Variants in ROBO1 observed in about 807,000 individuals in gnomAD.
ROBO1 encodes roundabout homolog 1.
Under a neutral mutation model 195.9 loss-of-function variants are expected in ROBO1, and 149 were observed. The ratio of observed to expected loss-of-function variants is 0.76; its 90% CI spans 0.67 to 0.87. ROBO1 has a LOEUF of 0.87. Among genes scored for constraint, ROBO1 ranks in the 40% least tolerant of loss-of-function variants. The pLI is 0.00. For synonymous variants in ROBO1, 816 were observed against 733.2 expected, an observed-to-expected ratio of 1.11 and a Z score of -1.82; for missense variants, 1,933 against 2,068.3, an observed-to-expected ratio of 0.93 and a Z score of 1.27.
At chr3:78,978,013 C>T (rs2076917851) in intron 3 of ROBO1, among the ~76,000 whole-genome samples, 1 of 152,148 alleles carries the variant, frequency 6.6e-6, no homozygotes, top group South Asian at 2.1e-4. Context: ...CCATAAACTG[C>T]ATGTATTCAA....
At chr3:78,849,831 T>TAC (rs576994363) in intron 4 of ROBO1, among the ~76,000 whole-genome samples, 840 of 79,682 alleles carry the variant, frequency 0.011, 10 homozygotes, top group African/African-American at 0.024. Flanking sequence ...TCTCTCCCAT[T>TAC]ACACACACAC....
intron 4 of ROBO1, among the ~76,000 whole-genome samples, chr3:78,762,055 T>C (rs1178102284): frequency 2.0e-5 from 3 of 152,024 alleles, no homozygotes; most frequent in Non-Finnish European, 4.4e-5. Context: ...TGTTTTTAAA[T>C]GGGAATTTAA....
intron 3 of ROBO1, among the ~76,000 whole-genome samples, chr3:79,118,234 G>GTT (rs201767376): frequency 1.5e-5 from 2 of 136,986 alleles, no homozygotes; most frequent in Non-Finnish European, 1.6e-5. Context: ...TAATTGTGTG[G>GTT]GTTTTTTTTT....
At chr3:79,574,296 C>G (rs930043503) in intron 2 of ROBO1, among the ~76,000 whole-genome samples, 1 of 151,960 alleles carries the variant, frequency 6.6e-6, no homozygotes, top group Non-Finnish European at 1.5e-5. Flanking sequence ...CACGCGTTTA[C>G]ATACATTCTA....
intron 3 of ROBO1, among the ~76,000 whole-genome samples, chr3:79,079,114 A>G (rs542092983): frequency 6.6e-6 from 1 of 151,782 alleles, no homozygotes; most frequent in Non-Finnish European, 1.5e-5. Context: ...GAAAAATGAC[A>G]TTTGATCTGG....
At chr3:79,226,617 T>C (rs2082232550) in intron 2 of ROBO1, among the ~76,000 whole-genome samples, 2 of 151,780 alleles carry the variant, frequency 1.3e-5, no homozygotes, top group Admixed American at 6.6e-5. Flanking sequence ...CACAGCTCAC[T>C]GCAGCCTTGA....
At chr3:78,629,300 T>TTC (rs200110075) in intron 25 of ROBO1, among the ~76,000 whole-genome samples, 11 of 130,366 alleles carry the variant, frequency 8.4e-5, no homozygotes, top group Non-Finnish European at 1.2e-4. Context: ...CTATATTGCT[T>TTC]TTTTTTTAAA....
chr3:78,647,682 C>A (rs775525713), intron 19 of ROBO1, 27 bp from the exon 20 acceptor site: 5 of 1,596,324 alleles, frequency 3.1e-6, no homozygotes, highest in Admixed American at 3.3e-5. Context: ...AAATATAAAC[C>A]AGTTATTAAG....
At chr3:78,718,492 C>T (rs778445029) in intron 5 of ROBO1, among the ~76,000 whole-genome samples, 8 of 151,892 alleles carry the variant, frequency 5.3e-5, no homozygotes, top group Non-Finnish European at 8.8e-5. Context: ...TGAACAGGTC[C>T]CAGTAAATCA....
intron 8 of ROBO1, among the ~76,000 whole-genome samples, chr3:78,712,017 C>CAAAAAAAAAAAAAAAAAAAA (rs56267632): frequency 2.6e-5 from 2 of 76,422 alleles, no homozygotes; most frequent in Non-Finnish European, 5.0e-5. Context: ...AAGACCTTGG[C>CAAAAAAAAAAAAAAAAAAAA]AAAAAAAAAA....
chr3:79,239,134 A>G (rs941412085), intron 2 of ROBO1, among the ~76,000 whole-genome samples: 6 of 152,186 alleles, frequency 3.9e-5, no homozygotes, highest in Non-Finnish European at 4.4e-5. Flanking sequence ...ATCTCAACGA[A>G]CAAAGAATAG....
At chr3:78,755,183 G>A (rs1028930163) in intron 4 of ROBO1, among the ~76,000 whole-genome samples, 3 of 152,274 alleles carry the variant, frequency 2.0e-5, no homozygotes, top group East Asian at 1.9e-4. Context: ...AATAATGGAC[G>A]TGGAGGCCAG....
chr3:79,182,393 G>A (rs1288740186), intron 2 of ROBO1, among the ~76,000 whole-genome samples: 2 of 152,170 alleles, frequency 1.3e-5, no homozygotes, highest in Non-Finnish European at 2.9e-5. Flanking sequence ...GCAGAGGACC[G>A]TGTCAAGACA....
At chr3:79,711,671 C>T (rs574224597) in intron 1 of ROBO1, among the ~76,000 whole-genome samples, 16 of 144,098 alleles carry the variant, frequency 1.1e-4, no homozygotes, top group Admixed American at 8.7e-4. Context: ...TACACACACA[C>T]GCAGGCATGC....
chr3:79,613,478 A>G (rs73120830), intron 1 of ROBO1, among the ~76,000 whole-genome samples: 85 of 152,228 alleles, frequency 5.6e-4, no homozygotes, highest in Non-Finnish European at 1.0e-3. Flanking sequence ...ACCCAAAAGA[A>G]TAAGGGACAA....
chr3:79,643,480 CT>C (rs1945728054), intron 1 of ROBO1, among the ~76,000 whole-genome samples: 1 of 152,090 alleles, frequency 6.6e-6, no homozygotes, highest in African/African-American at 2.4e-5. Flanking sequence ...AAGGAAAAAT[CT>C]ATAGAAACAA....
chr3:79,619,063 C>A (rs540493960), intron 1 of ROBO1, among the ~76,000 whole-genome samples: 1 of 152,084 alleles, frequency 6.6e-6, no homozygotes, highest in East Asian at 1.9e-4. Flanking sequence ...GGACACCTGC[C>A]CTCATCATTC....
chr3:78,628,089 G>T (rs909449010), intron 25 of ROBO1, among the ~76,000 whole-genome samples: 5 of 152,034 alleles, frequency 3.3e-5, no homozygotes, highest in Non-Finnish European at 7.4e-5. Context: ...GAGTAGCTGG[G>T]ATTACAGGTG....
At chr3:78,691,201 A>G (rs1436977005) in intron 8 of ROBO1, among the ~76,000 whole-genome samples, 1 of 152,164 alleles carries the variant, frequency 6.6e-6, no homozygotes, top group African/African-American at 2.4e-5. Context: ...ATCGTTATCT[A>G]TCAATTTAGA....
Sources: gnomAD v4.1 joint callset for allele counts (sites outside exome capture counted in the v4.1 genomes callset) on GRCh38, gnomAD v4.1.1 for gene constraint, MANE v1.5 for transcripts, NCBI Gene and HGNC (gene_info 2026-07-23, HGNC 2026-07-21) for gene names.